The following EPS8 variants were observed in gnomAD, a reference collection of about 807,000 sequenced individuals.
EPS8 encodes EGFR pathway substrate 8, signaling adaptor.
A neutral mutation model predicts 103.8 loss-of-function variants in EPS8; 42 were observed. The observed-to-expected ratio is 0.40, with a 90% CI of 0.32 to 0.52. EPS8 has a LOEUF of 0.52. Among genes scored for constraint, EPS8 ranks in the 20% least tolerant of loss-of-function variants. EPS8 has a pLI of 0.40. For missense variants in EPS8, 969 were observed against 1,005.1 expected (o/e 0.96, Z 0.49); for synonymous variants, 344 against 344.6 (o/e 1.00, Z 0.02).
chr12:15,687,445 G>A (rs1443005012), intron 1 of EPS8, among the ~76,000 whole-genome samples: 3 of 152,086 alleles, frequency 2.0e-5, no homozygotes, highest in Admixed American at 6.6e-5. Flanking sequence ...ATGCCTTTAA[G>A]TCAACACAAT....
intron 3 of EPS8, among the ~76,000 whole-genome samples, chr12:15,673,922 T>C (rs886375955): frequency 6.6e-6 from 1 of 152,216 alleles, no homozygotes; most frequent in South Asian, 2.1e-4. Flanking sequence ...TGTTTCACTA[T>C]TTTGTCTATT....
intron 12 of EPS8, among the ~76,000 whole-genome samples, chr12:15,657,510 A>G (rs1318241873): frequency 6.6e-6 from 1 of 152,220 alleles, no homozygotes; most frequent in Non-Finnish European, 1.5e-5. Flanking sequence ...ATGTTACAAT[A>G]TAAGTTCTAA....
chr12:15,689,376 T>G (rs1946141280), intron 1 of EPS8, among the ~76,000 whole-genome samples: 1 of 152,166 alleles, frequency 6.6e-6, no homozygotes, highest in African/African-American at 2.4e-5. Context: ...ACATGCTAAA[T>G]TAGTACAGCT....
In EPS8 at chr12:15,695,179, C is replaced by G. The variant is rs1202139364; in HGVS notation, c.-21-12207G>C. Among the ~76,000 whole-genome samples, 1 of 152,190 alleles carries G rather than the reference C, an allele frequency of 6.6e-6. No individual in the cohort carries two copies. The highest frequency in any genetic ancestry group is 1.9e-4 in the East Asian group (1 of 5,198). On this transcript the variant is annotated intron_variant, in intron 1 of 20. Coordinates refer to ENST00000281172, the MANE Select transcript of EPS8 (RefSeq NM_004447.6). The surrounding 1 kb of genome is among the most constrained non-coding windows in gnomAD (Gnocchi z 5.0). ...GCTTTTAACCACTATTATATACTTT[C>G]CTTTTACTAATGATAAATCCAGTAT... is the stretch of plus-strand genomic sequence containing the variant.
chr12:15,771,085 A>T lies in EPS8; in HGVS notation c.-22+18076T>A, dbSNP rs1947149489. 6.6e-6 allele frequency among the ~76,000 whole-genome samples: 1 copy of T among 152,226 alleles called. No individual in the cohort carries two copies. Among genetic ancestry groups the T allele is most frequent in the Non-Finnish European group, 1.5e-5 (1 of 68,030 alleles). The stretch of plus-strand genomic sequence containing the variant: ...AGTGCCTAGGCGATCCTGAGAAAAA[A>T]AATATTAAGTGGGAGAGGTACCAAA... On this transcript the variant is annotated intron_variant, in intron 1 of 20. Transcript: ENST00000281172. This position sits in a 1 kb window ranked among gnomAD's most constrained non-coding sequence, Gnocchi z 4.6.
intron 17 of EPS8, among the ~76,000 whole-genome samples, chr12:15,637,836 C>T (rs752390123): frequency 2.1e-4 from 32 of 152,134 alleles, no homozygotes; most frequent in Non-Finnish European, 4.4e-4. Context: ...CAGGAAGGAG[C>T]AAAGCCATGG....
chr12:15,764,351 C>T lies in EPS8; in HGVS notation c.-22+24810G>A, dbSNP rs1947071882. On this transcript the variant is annotated intron_variant, in intron 1 of 20. Coordinates refer to ENST00000281172, the MANE Select transcript of EPS8 (RefSeq NM_004447.6). This position sits in a 1 kb window ranked among gnomAD's most constrained non-coding sequence, Gnocchi z 4.1. The stretch of plus-strand genomic sequence containing the variant: ...GCTTTGGGTGGGGACACAGTGAAAC[C>T]ATATCAATCAGTCAAGTTAGAAGGA... Among the ~76,000 whole-genome samples the T allele has an allele frequency of 6.6e-6, 1 of 152,146 alleles. No homozygotes were observed. The highest frequency in any genetic ancestry group is 2.4e-5 in the African/African-American group (1 of 41,424).
intron 1 of EPS8, among the ~76,000 whole-genome samples, chr12:15,756,917 G>A (rs1020632754): frequency 1.3e-5 from 2 of 152,106 alleles, no homozygotes; most frequent in Admixed American, 6.5e-5. Flanking sequence ...GCATTGACCA[G>A]CCTTGGGAGA....
At chr12:15,687,439 C>G (rs1454365844) in intron 1 of EPS8, among the ~76,000 whole-genome samples, 1 of 152,064 alleles carries the variant, frequency 6.6e-6, no homozygotes, top group Non-Finnish European at 1.5e-5. Context: ...AGTTTTATGC[C>G]TTTAAGTCAA....
intron 1 of EPS8, among the ~76,000 whole-genome samples, chr12:15,783,530 T>A (rs1431441974): frequency 6.6e-6 from 1 of 152,082 alleles, no homozygotes; most frequent in Non-Finnish European, 1.5e-5. Flanking sequence ...CATAGTTAAG[T>A]CTCAGATTTC....
chr12:15,755,663 C>T (rs374269461), intron 1 of EPS8, among the ~76,000 whole-genome samples: 1 of 152,154 alleles, frequency 6.6e-6, no homozygotes, highest in African/African-American at 2.4e-5. Flanking sequence ...CTCGGCAAAT[C>T]CTTAAACTGG....
chr12:15,680,294 A>T (rs1024717411), intron 3 of EPS8, among the ~76,000 whole-genome samples: 1 of 152,222 alleles, frequency 6.6e-6, no homozygotes, highest in African/African-American at 2.4e-5. Context: ...AGAATTTCAC[A>T]ATTTAGAAAA....
intron 1 of EPS8, among the ~76,000 whole-genome samples, chr12:15,707,204 CA>C (rs1209639304): frequency 6.6e-6 from 1 of 152,108 alleles, no homozygotes; most frequent in Non-Finnish European, 1.5e-5. Flanking sequence ...TATTTCAGGT[CA>C]GGGGTTGACA....
rs938095090 is a variant in EPS8, at chr12:15,745,411, A to T, written c.-22+43750T>A. Among the ~76,000 whole-genome samples, 1 of 152,154 alleles carries T rather than the reference A, an allele frequency of 6.6e-6. No homozygotes were observed. The highest frequency in any genetic ancestry group is 2.4e-5 in the African/African-American group (1 of 41,442). On this transcript the variant is annotated intron_variant, in intron 1 of 20. Coordinates refer to ENST00000281172, the MANE Select transcript of EPS8 (RefSeq NM_004447.6). This position sits in a 1 kb window ranked among gnomAD's most constrained non-coding sequence, Gnocchi z 4.6. ...ATTACACTCTTTAATGCCAAGCTGAACCCAAAGATGTGGGAATTCTCAACA... is the reference window on the plus strand; with the variant it reads ...ATTACACTCTTTAATGCCAAGCTGATCCCAAAGATGTGGGAATTCTCAACA...
rs1009431858 is a variant in EPS8, at chr12:15,688,096, A to T, written c.-21-5124T>A. Among the ~76,000 whole-genome samples, 3 of 152,244 alleles carry T rather than the reference A, an allele frequency of 2.0e-5. No individual in the cohort carries two copies. Among genetic ancestry groups the T allele is most frequent in the African/African-American group, 7.2e-5 (3 of 41,462 alleles). Reference sequence around the variant, plus strand: ...TAGTACCATGAATGACTGAAAAGTAATGTCTTATTTGCATCTAAGGTAAAA... The same window carrying T: ...TAGTACCATGAATGACTGAAAAGTATTGTCTTATTTGCATCTAAGGTAAAA... On this transcript the variant is annotated intron_variant, in intron 1 of 20. Transcript: ENST00000281172. The surrounding 1 kb of genome is among the most constrained non-coding windows in gnomAD (Gnocchi z 5.1).
In EPS8 at chr12:15,697,131, A is replaced by T. The variant is rs1256949030; in HGVS notation, c.-21-14159T>A. ...GACTGAAGAAGGGAAAACTTGAGGG[A>T]CAAGCACAAACTGATTTGGGAAAAT... On this transcript the variant is annotated intron_variant, in intron 1 of 20. Coordinates refer to ENST00000281172, the MANE Select transcript of EPS8 (RefSeq NM_004447.6). The surrounding 1 kb of genome is among the most constrained non-coding windows in gnomAD (Gnocchi z 5.6). Among the ~76,000 whole-genome samples, 1 of 152,154 alleles carries T rather than the reference A, an allele frequency of 6.6e-6. No individual in the cohort carries two copies. Among genetic ancestry groups the T allele is most frequent in the Non-Finnish European group, 1.5e-5 (1 of 68,036 alleles).
At chr12:15,681,979 T>A (rs1432180171) in intron 2 of EPS8, among the ~76,000 whole-genome samples, 1 of 151,998 alleles carries the variant, frequency 6.6e-6, no homozygotes, top group African/African-American at 2.4e-5. Flanking sequence ...TATAATAGAA[T>A]GTGATATCTG....
chr12:15,647,369 A>C, intron 14 of EPS8, 109 bp from the exon 15 acceptor site: 1 of 945,440 alleles, frequency 1.1e-6, no homozygotes, highest in Non-Finnish European at 1.6e-6. Flanking sequence ...TTTCATTTTC[A>C]AGTGACTGAC....
At position 15,696,610 on chromosome 12, in the gene EPS8, C is replaced by T. The variant is rs1946246621; in HGVS notation, c.-21-13638G>A. 6.6e-6 allele frequency among the ~76,000 whole-genome samples: 1 copy of T among 152,030 alleles called. No individual in the cohort carries two copies. Among genetic ancestry groups the T allele is most frequent in the African/African-American group, 2.4e-5 (1 of 41,392 alleles). On this transcript the variant is annotated intron_variant, in intron 1 of 20. Coordinates refer to ENST00000281172, the MANE Select transcript of EPS8 (RefSeq NM_004447.6). This position sits in a 1 kb window ranked among gnomAD's most constrained non-coding sequence, Gnocchi z 4.8. ...GAGCCAAGATCGCACCATTGAACTC[C>T]AGCCTGGCGACAGAGCGAGACTCTG...
Sources: allele counts gnomAD v4.1 joint callset (sites outside exome capture counted in the v4.1 genomes callset), GRCh38; gene constraint gnomAD v4.1.1; non-coding constraint Gnocchi (gnomAD v3.1); transcripts MANE v1.5; gene names NCBI Gene and HGNC (gene_info 2026-07-23, HGNC 2026-07-21).